JAKMIP2: variants seen among roughly 807,000 people sequenced by gnomAD.
JAKMIP2 encodes janus kinase and microtubule interacting protein 2, also known as janus kinase and microtubule-interacting protein 2.
JAKMIP2 carries 25 observed loss-of-function variants against 115.0 expected under a neutral mutation model. The observed-to-expected ratio is 0.22, with a 90% CI of 0.16 to 0.30. JAKMIP2 has a LOEUF of 0.30. Among genes scored for constraint, JAKMIP2 ranks in the 10% least tolerant of loss-of-function variants. The probability of loss-of-function intolerance (pLI) is 1.00; values close to 1 mark genes in which losing one functional copy is unlikely to be tolerated. For missense variants in JAKMIP2, 642 were observed against 957.6 expected, an observed-to-expected ratio of 0.67 and a Z score of 4.35; for synonymous variants, 334 against 343.6, an observed-to-expected ratio of 0.97 and a Z score of 0.31.
chr5:147,743,794 A>G (rs1754237952), intron 1 of JAKMIP2, among the ~76,000 whole-genome samples: 1 of 152,132 alleles, frequency 6.6e-6, no homozygotes, highest in Non-Finnish European at 1.5e-5. Flanking sequence ...TGAAGCCCTT[A>G]ACCTCTTAAT....
rs113397475 is a variant in JAKMIP2, at chr5:147,612,376, A to G, written c.2347-5T>C. On this transcript the variant is annotated splice_region_variant and splice_polypyrimidine_tract_variant and intron_variant, in intron 19 of 21. Coordinates refer to ENST00000616793, the MANE Select transcript of JAKMIP2 (RefSeq NM_001270941.2). ...ATCTTCTAAGTCACGAATTCTCTGAAGAAAGAAAAGAAAAGAAAGAAAGCA... is the reference window on the plus strand; with the variant it reads ...ATCTTCTAAGTCACGAATTCTCTGAGGAAAGAAAAGAAAAGAAAGAAAGCA... 2.6e-3 allele frequency: 3,897 copies of G among 1,519,674 alleles called. 90 individuals are homozygous for G. The African/African-American group carries it at 0.043, about 17-fold the overall frequency. 94.1% of individuals were successfully genotyped at this position (1,519,674 alleles called of 1,614,324 possible).
chr5:147,641,862 T>C (rs1487687658), intron 7 of JAKMIP2, 98 bp from the exon 8 acceptor site: 15 of 976,314 alleles, frequency 1.5e-5, no homozygotes, highest in Non-Finnish European at 2.4e-5. Flanking sequence ...AGGCATTATA[T>C]TTGGAATAGA....
At chr5:147,660,746 CAATTTCAAT>C in intron 3 of JAKMIP2, 193 bp downstream of exon 3, 1 of 590,218 alleles carries the variant, frequency 1.7e-6, no homozygotes, top group Non-Finnish European at 3.0e-6. Flanking sequence ...TTACACTTTA[CAATTTCAAT>C]TTTGGCCTGA....
chr5:147,621,910 C>T (rs966078472), intron 17 of JAKMIP2, among the ~76,000 whole-genome samples: 2 of 152,158 alleles, frequency 1.3e-5, no homozygotes, highest in South Asian at 2.1e-4. Flanking sequence ...TCTTGTTGCC[C>T]AGGCTGGAGT....
intron 1 of JAKMIP2, among the ~76,000 whole-genome samples, chr5:147,676,913 G>A (rs1759997020): frequency 6.6e-6 from 1 of 152,174 alleles, no homozygotes; most frequent in South Asian, 2.1e-4. Flanking sequence ...CTTTGGTCTA[G>A]TTACATCAAA....
At chr5:147,654,469 G>C (rs1758575621) in intron 3 of JAKMIP2, among the ~76,000 whole-genome samples, 1 of 151,980 alleles carries the variant, frequency 6.6e-6, no homozygotes, top group South Asian at 2.1e-4. Context: ...TATTCTCTTT[G>C]TAGCAATTGT....
intron 1 of JAKMIP2, among the ~76,000 whole-genome samples, chr5:147,691,733 G>A (rs972810185): frequency 6.6e-6 from 1 of 152,198 alleles, no homozygotes; most frequent in South Asian, 2.1e-4. Context: ...GCACATGAGG[G>A]TGCTGGCTGG....
intron 10 of JAKMIP2, among the ~76,000 whole-genome samples, chr5:147,638,700 G>A (rs1056313750): frequency 6.6e-6 from 1 of 151,906 alleles, no homozygotes; most frequent in Admixed American, 6.6e-5. Context: ...GGGTGGTCTC[G>A]GTGGTCATGC....
chr5:147,726,589 G>C (rs548433722), intron 1 of JAKMIP2, among the ~76,000 whole-genome samples: 79 of 152,326 alleles, frequency 5.2e-4, no homozygotes, highest in Non-Finnish European at 8.2e-4. Flanking sequence ...TGTACTTTGT[G>C]CTATAAATTT....
chr5:147,632,922 T>C (rs1757432579), intron 12 of JAKMIP2, 144 bp from the exon 13 acceptor site: 1 of 560,218 alleles, frequency 1.8e-6, no homozygotes, highest in Non-Finnish European at 3.2e-6. Flanking sequence ...ATAAAATAAG[T>C]ATTTGGCTTT....
At chr5:147,781,233 A>G (rs1755745528) in intron 1 of JAKMIP2, among the ~76,000 whole-genome samples, 1 of 152,196 alleles carries the variant, frequency 6.6e-6, no homozygotes, top group Non-Finnish European at 1.5e-5. Flanking sequence ...TTTCAAAACA[A>G]TCCTACTTTC....
At chr5:147,606,506 T>C (rs1756022883) in intron 20 of JAKMIP2, among the ~76,000 whole-genome samples, 1 of 152,160 alleles carries the variant, frequency 6.6e-6, no homozygotes, top group African/African-American at 2.4e-5. Flanking sequence ...TGTGTGGTGT[T>C]ATTTCTGAGG....
At chr5:147,677,241 G>A (rs537885570) in intron 1 of JAKMIP2, among the ~76,000 whole-genome samples, 2 of 152,278 alleles carry the variant, frequency 1.3e-5, no homozygotes, top group Admixed American at 6.5e-5. Context: ...AGCTCACGAC[G>A]CAAGAACTAA....
intron 1 of JAKMIP2, among the ~76,000 whole-genome samples, chr5:147,749,499 T>C (rs1295583289): frequency 1.3e-5 from 2 of 152,214 alleles, no homozygotes; most frequent in Non-Finnish European, 2.9e-5. Context: ...TCCCTTACTC[T>C]TCTTTTCTTC....
At chr5:147,595,543 G>A (rs1359153240) in intron 21 of JAKMIP2, 7 of 454,752 alleles carry the variant, frequency 1.5e-5, no homozygotes, top group Non-Finnish European at 2.6e-5. Flanking sequence ...CCAGAGTGGT[G>A]AGCAATACAT....
rs60129741 is a variant in JAKMIP2, at chr5:147,707,024, G to A, written c.-148-35070C>T. On this transcript the variant is annotated intron_variant, in intron 1 of 21. Coordinates refer to ENST00000616793, the MANE Select transcript of JAKMIP2 (RefSeq NM_001270941.2). Reference sequence around the variant, plus strand: ...TATACTTTCTAGGCCTTTTTTTGAGGGTTATGAATCATAAACTTTTTAATA... The same window carrying A: ...TATACTTTCTAGGCCTTTTTTTGAGAGTTATGAATCATAAACTTTTTAATA... Among the ~76,000 whole-genome samples, 666 of 151,976 alleles carry A rather than the reference G, an allele frequency of 4.4e-3. 8 individuals carry two copies. The highest frequency in any genetic ancestry group is 0.015 in the African/African-American group (638 of 41,444).
intron 10 of JAKMIP2, 87 bp downstream of exon 10, chr5:147,639,545 G>A: frequency 6.9e-7 from 1 of 1,446,874 alleles, no homozygotes; most frequent in Admixed American, 2.3e-5. Context: ...AGGGAAAGCT[G>A]TCTTATTGAT....
In JAKMIP2 at chr5:147,587,344, CTG is replaced by C. The variant is rs1403872941; in HGVS notation, c.*4361_*4362del. ...AAAGCTGTCATTAATTACCAAAACA[CTG>C]TTATGAAAATTTCACAAAAGGCAAC... On this transcript the variant is annotated 3_prime_UTR_variant, in exon 22 of 22. Transcript: ENST00000616793. The C allele has an allele frequency of 6.6e-6, 1 of 152,012 alleles. No homozygotes were observed. Among genetic ancestry groups the C allele is most frequent in the Non-Finnish European group, 1.5e-5 (1 of 67,998 alleles). 9.4% of individuals were successfully genotyped at this position (152,012 alleles called of 1,614,324 possible).
At chr5:147,612,178 A>C in intron 20 of JAKMIP2, 128 bp downstream of exon 20, 1 of 770,558 alleles carries the variant, frequency 1.3e-6, no homozygotes, top group Non-Finnish European at 2.4e-6. Flanking sequence ...AGCTAGGTTT[A>C]CTGTAACTAT....
Sources: allele counts gnomAD v4.1 joint callset (sites outside exome capture counted in the v4.1 genomes callset), GRCh38; gene constraint gnomAD v4.1.1; transcripts MANE v1.5; gene names NCBI Gene and HGNC (gene_info 2026-07-23, HGNC 2026-07-21).